Variants in HERC2 observed in about 807,000 individuals in gnomAD.
The protein encoded by HERC2 is HECT and RLD domain containing E3 ubiquitin protein ligase 2.
Under a neutral mutation model 537.7 loss-of-function variants are expected in HERC2, and 102 were observed. That is an observed-to-expected ratio of 0.19 (90% confidence interval 0.16 to 0.22). The LOEUF (loss-of-function observed/expected upper bound fraction) is 0.22, where lower values mean the gene tolerates loss of function less well. HERC2 is among the 10% of genes least tolerant of loss of function. The probability of loss-of-function intolerance (pLI) is 1.00; values close to 1 mark genes in which losing one functional copy is unlikely to be tolerated. For missense variants in HERC2, 4,236 were observed against 6,198.2 expected, an observed-to-expected ratio of 0.68 and a Z score of 10.63; for synonymous variants, 2,224 against 2,466.2, an observed-to-expected ratio of 0.90 and a Z score of 2.91.
rs7162272 is a variant in HERC2, at chr15:28,249,615, G to A, written c.3051-879C>T. Among the ~76,000 whole-genome samples the A allele has an allele frequency of 2.8e-3, 428 of 152,222 alleles. 3 individuals are homozygous for A. The highest frequency in any genetic ancestry group is 9.7e-3 in the African/African-American group (405 of 41,546). On this transcript the variant is annotated intron_variant, in intron 20 of 92. Coordinates refer to ENST00000261609, the MANE Select transcript of HERC2 (RefSeq NM_004667.6). The stretch of plus-strand genomic sequence containing the variant: ...TGCAATGCCAACCCACCAAGGTTAT[G>A]ATAGGAAAATAACACCTTCTGTGTG...
chr15:28,203,609 C>T (rs1001840765), intron 45 of HERC2: 3 of 151,992 alleles, frequency 2.0e-5, no homozygotes, highest in Non-Finnish European at 4.4e-5. Context: ...ACGAGTACAA[C>T]CCCTGACCCC....
chr15:28,243,520 T>C (rs1903345572), intron 23 of HERC2, among the ~76,000 whole-genome samples: 2 of 152,008 alleles, frequency 1.3e-5, no homozygotes, highest in Admixed American at 1.3e-4. Context: ...AACACTCACA[T>C]GAATGACTAA....
At chr15:28,247,421 CTTTTTTTTTTTT>C (rs71132843) in intron 21 of HERC2, among the ~76,000 whole-genome samples, 1 of 76,180 alleles carries the variant, frequency 1.3e-5, no homozygotes, top group Non-Finnish European at 2.3e-5. Context: ...CTACATGGTT[CTTTTTTTTTTTT>C]TTTTTTTTTT....
intron 55 of HERC2, 200 bp downstream of exon 55, chr15:28,190,765 T>A (rs1021233373): frequency 5.2e-6 from 3 of 580,198 alleles, no homozygotes; most frequent in Non-Finnish European, 6.1e-6. Context: ...GAAATTTGTT[T>A]CCTTTTCAAG....
chr15:28,213,976 G>C lies in HERC2; in HGVS notation c.6556-4C>G. ...GGAAGTAGTCCTCTAACTGGGCCTA[G>C]TGCAGACCAAACAGCGAGCTCGACA... On this transcript the variant is annotated splice_polypyrimidine_tract_variant and splice_region_variant and intron_variant, in intron 41 of 92. Coordinates refer to ENST00000261609, the MANE Select transcript of HERC2 (RefSeq NM_004667.6). 1 of 1,613,118 alleles carries C rather than the reference G, an allele frequency of 6.2e-7. No homozygotes were observed.
At chr15:28,310,043 A>C (rs1417939530) in intron 2 of HERC2, among the ~76,000 whole-genome samples, 1 of 152,210 alleles carries the variant, frequency 6.6e-6, no homozygotes, top group African/African-American at 2.4e-5. Flanking sequence ...AGTGACTCAC[A>C]TCTCTAATCC....
At chr15:28,245,373 C>T (rs959792167) in intron 23 of HERC2, among the ~76,000 whole-genome samples, 49 of 151,892 alleles carry the variant, frequency 3.2e-4, no homozygotes, top group African/African-American at 1.2e-3. Context: ...ATGGTGAAAC[C>T]CCATCTCTAC....
At chr15:28,136,508 G>C (rs540283258) in intron 78 of HERC2, among the ~76,000 whole-genome samples, 11 of 152,202 alleles carry the variant, frequency 7.2e-5, no homozygotes, top group Non-Finnish European at 1.5e-4. Flanking sequence ...GGCTCCAAAG[G>C]GTTGCCCCTC....
intron 16 of HERC2, among the ~76,000 whole-genome samples, chr15:28,259,431 G>C (rs1315539438): frequency 6.6e-6 from 1 of 151,880 alleles, no homozygotes; most frequent in Non-Finnish European, 1.5e-5. Context: ...GACTCAGATG[G>C]GATTCAAAAA....
At chr15:28,149,998 A>G (rs55685709) in intron 70 of HERC2, among the ~76,000 whole-genome samples, 10,664 of 151,214 alleles carry the variant, frequency 0.071, 1,089 homozygotes, top group African/African-American at 0.25. Flanking sequence ...GAACGGCCAC[A>G]CGAACACACA....
At chr15:28,163,041 G>A (rs912354017) in intron 69 of HERC2, 53 bp downstream of exon 69, 5 of 1,447,706 alleles carry the variant, frequency 3.5e-6, no homozygotes, top group Non-Finnish European at 3.8e-6. Flanking sequence ...AGAGGAGGGT[G>A]GCCCAACATG....
intron 1 of HERC2, 71 bp from the exon 2 acceptor site, chr15:28,321,535 A>G (rs140198092): frequency 0.028 from 20,409 of 730,552 alleles, 1,933 homozygotes; most frequent in Middle Eastern, 0.1. Flanking sequence ...CGAAAGCCAG[A>G]AAAGAAAAAA....
At chr15:28,143,550 G>T (rs938008737) in intron 74 of HERC2, among the ~76,000 whole-genome samples, 1 of 152,010 alleles carries the variant, frequency 6.6e-6, no homozygotes, top group Non-Finnish European at 1.5e-5. Context: ...AGGTTCAAGC[G>T]ATTCTCCTGC....
chr15:28,235,320 A>G (rs1289302138), intron 26 of HERC2, among the ~76,000 whole-genome samples: 1 of 151,938 alleles, frequency 6.6e-6, no homozygotes, highest in Non-Finnish European at 1.5e-5. Context: ...GATTGGACCC[A>G]CCTGCCAGGG....
Position 28,168,469 on chromosome 15 carries a change from A to T in HERC2, c.10351T>A (p.Cys3451Ser). ...TCTTCGATATCAACAGCCAGCATGC[A>T]TTCTTCTCCATTCATGGGACTAGCC... ...AMASPMNGEE[C>S]MLAVDIEDRL... The change falls in exon 67 of 93, where the codon TGC (cysteine) becomes AGC (serine). Residue 3451 changes from cysteine (C) to serine (S), a missense_variant. By Grantham distance (112) the Cys-to-Ser change is moderately radical. Transcript: ENST00000261609. 1 of 1,614,192 alleles carries T rather than the reference A, an allele frequency of 6.2e-7. No homozygotes were observed. The highest frequency in any genetic ancestry group is 1.1e-5 in the South Asian group (1 of 91,090).
Position 28,168,453 on chromosome 15 carries a change from T to A in HERC2, c.10367A>T (p.Asp3456Val). 1.2e-6 allele frequency: 2 copies of A among 1,614,196 alleles called. No individual in the cohort carries two copies. Among genetic ancestry groups the A allele is most frequent in the South Asian group, 2.2e-5 (2 of 91,082 alleles). The change falls in exon 67 of 93, where the codon GAT becomes GTT. Residue 3456 changes from aspartate to valine, a missense_variant. Asp to Val is a radical substitution (Grantham distance 152, BLOSUM62 -3). Coordinates refer to ENST00000261609, the MANE Select transcript of HERC2 (RefSeq NM_004667.6). ...MNGEECMLAV[D>V]IEDRLSPNPW... ...ATTTGGACTCAGTCTGTCTTCGATA[T>A]CAACAGCCAGCATGCATTCTTCTCC...
rs1356048952 is a variant in HERC2 at position 28,206,787 on chromosome 15, T to C, written c.7070-405A>G. ...GGCGGAGCTTGCAGTGAGCTGAGAT[T>C]GTGCCACTGCACTCCAGCCTGGGCG... is the stretch of plus-strand genomic sequence containing the variant. On this transcript the variant is annotated intron_variant, in intron 44 of 92. Coordinates refer to ENST00000261609, the MANE Select transcript of HERC2 (RefSeq NM_004667.6). 2.3e-3 allele frequency among the ~76,000 whole-genome samples: 332 copies of C among 145,554 alleles called. 1 individual carries two copies. Among genetic ancestry groups the C allele is most frequent in the African/African-American group, 6.7e-3 (254 of 38,168 alleles).
At chr15:28,295,902 G>A (rs914036796) in intron 3 of HERC2, among the ~76,000 whole-genome samples, 6 of 152,024 alleles carry the variant, frequency 3.9e-5, no homozygotes, top group African/African-American at 1.5e-4. Context: ...AGAGACCATA[G>A]GGTCCACTGA....
intron 71 of HERC2, among the ~76,000 whole-genome samples, 193 bp from the exon 72 acceptor site, chr15:28,144,997 G>A (rs569504454): frequency 6.6e-6 from 1 of 152,326 alleles, no homozygotes; most frequent in South Asian, 2.1e-4. Flanking sequence ...CCATTCTTCA[G>A]CAAACACGCA....
Sources: gnomAD v4.1 joint callset for allele counts (sites outside exome capture counted in the v4.1 genomes callset) on GRCh38, gnomAD v4.1.1 for gene constraint, MANE v1.5 for transcripts, NCBI Gene and HGNC (gene_info 2026-07-23, HGNC 2026-07-21) for gene names.